Variants in ZNF438 observed in about 807,000 individuals in gnomAD.
ZNF438 encodes the protein zinc finger protein 438.
In ZNF438, 25 loss-of-function variants were observed where a neutral mutation model predicts 38.0. That is an observed-to-expected ratio of 0.66 (90% CI 0.48 to 0.92). The LOEUF is 0.92. ZNF438 is among the 40% of genes least tolerant of loss of function. The probability of loss-of-function intolerance (pLI) is 0.00; values close to 1 mark genes in which losing one functional copy is unlikely to be tolerated. For synonymous variants in ZNF438, 372 were observed against 364.1 expected (o/e 1.02, Z -0.25); for missense variants, 1,007 against 999.6 (o/e 1.01, Z -0.10).
At chr10:30,860,356 T>C (rs576273428) in intron 4 of ZNF438, among the ~76,000 whole-genome samples, 1 of 152,202 alleles carries the variant, frequency 6.6e-6, no homozygotes, top group Non-Finnish European at 1.5e-5. Context: ...AACCTCAGCA[T>C]GAAAACGGAC....
chr10:31,027,109 GA>G (rs1329835831), intron 1 of ZNF438, among the ~76,000 whole-genome samples: 1 of 142,398 alleles, frequency 7.0e-6, no homozygotes, highest in Non-Finnish European at 1.5e-5. Flanking sequence ...GGGGGAGGGG[GA>G]AGGGATAGCA....
At chr10:31,007,222 C>T (rs1040411538) in intron 1 of ZNF438, among the ~76,000 whole-genome samples, 33 of 151,118 alleles carry the variant, frequency 2.2e-4, no homozygotes, top group Admixed American at 1.7e-3. Flanking sequence ...TCCTGACTTC[C>T]AGAATGTAAG....
intron 1 of ZNF438, among the ~76,000 whole-genome samples, chr10:31,015,987 C>T (rs777200606): frequency 9.2e-4 from 140 of 152,268 alleles, no homozygotes; most frequent in Non-Finnish European, 1.7e-3. Context: ...GGCCACATCT[C>T]CAATACTGTC....
At chr10:30,934,610 T>C (rs776488952) in intron 2 of ZNF438, among the ~76,000 whole-genome samples, 1 of 152,248 alleles carries the variant, frequency 6.6e-6, no homozygotes, top group Admixed American at 6.5e-5. Flanking sequence ...AAAGCAGTTT[T>C]GTAAAAACAG....
At chr10:31,023,500 A>G (rs2056747107) in intron 1 of ZNF438, among the ~76,000 whole-genome samples, 1 of 152,258 alleles carries the variant, frequency 6.6e-6, no homozygotes, top group Admixed American at 6.5e-5. Flanking sequence ...GACAGAAAAC[A>G]AGTGATATTT....
chr10:31,013,047 CG>C (rs1220073373), intron 1 of ZNF438, among the ~76,000 whole-genome samples: 1 of 152,172 alleles, frequency 6.6e-6, no homozygotes, highest in Non-Finnish European at 1.5e-5. Context: ...GGGCCGGGCG[CG>C]GTGGCTCACG....
intron 3 of ZNF438, among the ~76,000 whole-genome samples, chr10:30,897,574 T>C (rs1041354663): frequency 6.6e-5 from 10 of 152,244 alleles, no homozygotes; most frequent in Non-Finnish European, 1.0e-4. Context: ...CCCCAGGCTC[T>C]GGCATTAACA....
chr10:30,866,392 T>C (rs1214260967), intron 4 of ZNF438, among the ~76,000 whole-genome samples: 2 of 152,330 alleles, frequency 1.3e-5, no homozygotes, highest in Middle Eastern at 3.4e-3. Flanking sequence ...AGTGAATGAA[T>C]GGAACTTGGC....
At chr10:30,898,049 A>G (rs1354016492) in intron 3 of ZNF438, among the ~76,000 whole-genome samples, 3 of 152,224 alleles carry the variant, frequency 2.0e-5, no homozygotes, top group African/African-American at 7.2e-5. Flanking sequence ...TTCACTAAGC[A>G]TTTGGTTTCC....
intron 1 of ZNF438, among the ~76,000 whole-genome samples, chr10:31,008,212 T>C (rs1488331011): frequency 6.6e-6 from 1 of 152,148 alleles, no homozygotes; most frequent in African/African-American, 2.4e-5. Flanking sequence ...ATTGAAATAA[T>C]AATAATAATA....
At chr10:31,003,621 CACTAA>C (rs1035051673) in intron 1 of ZNF438, among the ~76,000 whole-genome samples, 4 of 152,150 alleles carry the variant, frequency 2.6e-5, no homozygotes, top group Non-Finnish European at 5.9e-5. Flanking sequence ...TGTGTTTAAG[CACTAA>C]ACTAAAGATG....
chr10:30,889,666 G>A (rs939443723), intron 3 of ZNF438, among the ~76,000 whole-genome samples: 4 of 152,118 alleles, frequency 2.6e-5, no homozygotes, highest in East Asian at 1.9e-4. Context: ...TCGGCCTCCC[G>A]AAGTGCTAGG....
chr10:30,957,818 A>AT (rs1554881994), intron 1 of ZNF438, among the ~76,000 whole-genome samples: 7 of 148,416 alleles, frequency 4.7e-5, no homozygotes, highest in South Asian at 4.2e-4. Context: ...CAACAGGAAA[A>AT]GCATCAGGGT....
At chr10:30,988,373 A>C (rs1402407970) in intron 1 of ZNF438, among the ~76,000 whole-genome samples, 1 of 152,126 alleles carries the variant, frequency 6.6e-6, no homozygotes, top group Non-Finnish European at 1.5e-5. Flanking sequence ...TTATGAAGCA[A>C]TTAAAGATAA....
At chr10:30,914,074 T>C (rs915405630) in intron 2 of ZNF438, among the ~76,000 whole-genome samples, 6 of 152,300 alleles carry the variant, frequency 3.9e-5, no homozygotes, top group African/African-American at 1.2e-4. Context: ...AAAATCAAAA[T>C]TGATTTTAAT....
At chr10:30,958,567 C>A (rs2049121236) in intron 1 of ZNF438, among the ~76,000 whole-genome samples, 1 of 146,424 alleles carries the variant, frequency 6.8e-6, no homozygotes, top group East Asian at 1.9e-4. Context: ...ATTTATATGC[C>A]ATAAAATTAA....
intron 1 of ZNF438, among the ~76,000 whole-genome samples, chr10:31,006,924 G>C (rs2055196765): frequency 6.6e-6 from 1 of 152,120 alleles, no homozygotes; most frequent in Admixed American, 6.5e-5. Context: ...ATTAAGGCTG[G>C]TAATCAGTGG....
intron 1 of ZNF438, among the ~76,000 whole-genome samples, chr10:31,001,068 T>C (rs1337645965): frequency 6.6e-6 from 1 of 152,210 alleles, no homozygotes; most frequent in Non-Finnish European, 1.5e-5. Flanking sequence ...CCATTCACTC[T>C]ACAACCCATT....
intron 1 of ZNF438, among the ~76,000 whole-genome samples, chr10:31,015,843 C>T (rs2056149561): frequency 6.6e-6 from 1 of 152,182 alleles, no homozygotes; most frequent in Admixed American, 6.5e-5. Context: ...TAGCAGATGG[C>T]TGTACTCTTA....
Sources: allele counts gnomAD v4.1 joint callset (sites outside exome capture counted in the v4.1 genomes callset), GRCh38; gene constraint gnomAD v4.1.1; transcripts MANE v1.5; gene names NCBI Gene and HGNC (gene_info 2026-07-23, HGNC 2026-07-21).